The following ZNF740 variants were observed in gnomAD, a reference collection of about 807,000 sequenced individuals.
The protein encoded by ZNF740 is zinc finger protein 740.
ZNF740 carries 14 observed loss-of-function variants against 24.8 expected under a neutral mutation model. The ratio of observed to expected loss-of-function variants is 0.56; its 90% CI spans 0.37 to 0.88. The LOEUF is 0.88. Ranked by LOEUF, ZNF740 falls within the 40% of genes least tolerant of loss-of-function variation. The probability of loss-of-function intolerance (pLI) is 0.00; values close to 1 mark genes in which losing one functional copy is unlikely to be tolerated. For synonymous variants in ZNF740, 69 were observed against 84.0 expected, an observed-to-expected ratio of 0.82 and a Z score of 0.98; for missense variants, 201 against 247.9, an observed-to-expected ratio of 0.81 and a Z score of 1.27.
In ZNF740 at chr12:53,187,369, G is replaced by A. The variant is rs530206411; in HGVS notation, c.493-132G>A. ...CTGAGAGCTTGGATTCTCCACCACCGTGTGCTCCTGCTGTCTGTGCACGTG... is the reference window on the plus strand; with the variant it reads ...CTGAGAGCTTGGATTCTCCACCACCATGTGCTCCTGCTGTCTGTGCACGTG... On this transcript the variant is annotated intron_variant, in intron 6 of 6. Coordinates refer to ENST00000416904, the MANE Select transcript of ZNF740 (RefSeq NM_001004304.4). 1.4e-4 allele frequency: 102 copies of A among 722,164 alleles called. 2 individuals carry two copies. The South Asian group carries it at 1.6e-3, about 11-fold the overall frequency. The allele number at this position is 722,164 out of a possible 1,614,324, so 44.7% of individuals were successfully genotyped here. A position where few individuals can be genotyped will look rare whatever the true frequency, so the allele number is the denominator to read the frequency against.
chr12:53,192,514 G>C lies in ZNF740; in HGVS notation c.*4924G>C. 6.2e-7 allele frequency: 1 copy of C among 1,614,054 alleles called. No homozygotes were observed. Among genetic ancestry groups the C allele is most frequent in the Non-Finnish European group, 8.5e-7 (1 of 1,179,976 alleles). ...AGTTGGTGGCCAGTGGGCCAGTCCT[G>C]AAGGCCCCACACTCTGCACAGTCCC... is the stretch of plus-strand genomic sequence containing the variant. On this transcript the variant is annotated 3_prime_UTR_variant, in exon 7 of 7. Coordinates refer to ENST00000416904, the MANE Select transcript of ZNF740 (RefSeq NM_001004304.4).
chr12:53,181,213 C>G (rs1941613478), intron 1 of ZNF740: 1 of 985,344 alleles, frequency 1.0e-6, no homozygotes, highest in African/African-American at 1.7e-5. Context: ...ACCTCCGCAG[C>G]AAGTTTCCCT....
In ZNF740 at chr12:53,191,383, G is replaced by A; in HGVS notation, c.*3793G>A. On this transcript the variant is annotated 3_prime_UTR_variant, in exon 7 of 7. Transcript: ENST00000416904. ...TAGCCCAGATGGATGCAAGGTTGCAGGCATGGGAAGCAGCCCTCTTGGGTG... is the reference window on the plus strand; with the variant it reads ...TAGCCCAGATGGATGCAAGGTTGCAAGCATGGGAAGCAGCCCTCTTGGGTG... 1 of 635,782 alleles carries A rather than the reference G, an allele frequency of 1.6e-6. No homozygotes were observed. Among genetic ancestry groups the A allele is most frequent in the Non-Finnish European group, 2.8e-6 (1 of 351,058 alleles). The allele number at this position is 635,782 out of a possible 1,614,324, so 39.4% of individuals were successfully genotyped here.
At position 53,192,926 on chromosome 12, in the gene ZNF740, G is replaced by A; in HGVS notation, c.*5336G>A. The A allele has an allele frequency of 6.2e-7, 1 of 1,610,874 alleles. No individual in the cohort carries two copies. Among genetic ancestry groups the A allele is most frequent in the Non-Finnish European group, 8.5e-7 (1 of 1,177,484 alleles). ...CGACCAAAGCCTGGGGTAGAGCCAT[G>A]CAGAGGGTGACAACCATACTCCACA... On this transcript the variant is annotated 3_prime_UTR_variant, in exon 7 of 7. Transcript: ENST00000416904.
Position 53,192,211 on chromosome 12 carries a change from C to T in ZNF740, c.*4621C>T. Reference sequence around the variant, plus strand: ...TTGCTCAATTGCCTCTGCCTTTGTCCTGGATTCACAGTTCTGCTTCAGCCC... The same window carrying T: ...TTGCTCAATTGCCTCTGCCTTTGTCTTGGATTCACAGTTCTGCTTCAGCCC... On this transcript the variant is annotated 3_prime_UTR_variant, in exon 7 of 7. Coordinates refer to ENST00000416904, the MANE Select transcript of ZNF740 (RefSeq NM_001004304.4). 4 of 1,273,530 alleles carry T rather than the reference C, an allele frequency of 3.1e-6. 1 individual carries two copies. The allele number at this position is 1,273,530 out of a possible 1,614,324, so 78.9% of individuals were successfully genotyped here.
In ZNF740 at chr12:53,190,454, G is replaced by A; in HGVS notation, c.*2864G>A. On this transcript the variant is annotated 3_prime_UTR_variant, in exon 7 of 7. Transcript: ENST00000416904. Reference sequence around the variant, plus strand: ...TAGGCTGCTGCACCAGGCCCTACCAGCTCAGGCTATAAACAGTCTGCTTTG... The same window carrying A: ...TAGGCTGCTGCACCAGGCCCTACCAACTCAGGCTATAAACAGTCTGCTTTG... 1 of 152,896 alleles carries A rather than the reference G, an allele frequency of 6.5e-6. No homozygotes were observed. The allele number at this position is 152,896 out of a possible 1,614,324, so 9.5% of individuals were successfully genotyped here. A position where few individuals can be genotyped will look rare whatever the true frequency, so the allele number is the denominator to read the frequency against.
At chr12:53,184,150 T>TGTGTGTGTGTGTGTGCGCGCGC (rs59250662) in intron 2 of ZNF740, among the ~76,000 whole-genome samples, 126 of 104,398 alleles carry the variant, frequency 1.2e-3, no homozygotes, top group African/African-American at 4.4e-3. Flanking sequence ...TGTGTGTGTG[T>TGTGTGTGTGTGTGTGCGCGCGC]GCGCGCGCGC....
rs1356251873 is a variant in ZNF740 at position 53,181,360 on chromosome 12, C to T, written c.-307-317C>T. On this transcript the variant is annotated intron_variant, in intron 1 of 6. Transcript: ENST00000416904. ...CCGCCTCTGTAAAGTGCGAGCTTTT[C>T]GGGCCGGCCCACTGGGCACAAAAGC... 7 of 985,320 alleles carry T rather than the reference C, an allele frequency of 7.1e-6. No homozygotes were observed. The African/African-American group carries it at 1.0e-4, about 15-fold the overall frequency. The allele number at this position is 985,320 out of a possible 1,614,324, so 61.0% of individuals were successfully genotyped here. A position where few individuals can be genotyped will look rare whatever the true frequency, so the allele number is the denominator to read the frequency against.
Position 53,191,579 on chromosome 12 carries a change from C to T in ZNF740, c.*3989C>T, listed in dbSNP as rs772454144. ...CTTCAGAGAGTGGGACTGTCTGCCT[C>T]TTGAAAGCGAGGATTGATGGTGGTC... On this transcript the variant is annotated 3_prime_UTR_variant, in exon 7 of 7. Coordinates refer to ENST00000416904, the MANE Select transcript of ZNF740 (RefSeq NM_001004304.4). The T allele has an allele frequency of 6.2e-7, 1 of 1,613,642 alleles. No homozygotes were observed. The highest frequency in any genetic ancestry group is 1.7e-5 in the Admixed American group (1 of 60,022).
intron 6 of ZNF740, chr12:53,186,832 GA>G (rs1941831743): frequency 9.7e-6 from 2 of 206,930 alleles, no homozygotes; most frequent in East Asian, 1.1e-4. Context: ...TCACGTATGG[GA>G]AAATTGAGAT....
chr12:53,184,018 T>C (rs973444418), intron 2 of ZNF740, among the ~76,000 whole-genome samples: 1 of 151,726 alleles, frequency 6.6e-6, no homozygotes, highest in African/African-American at 2.4e-5. Flanking sequence ...AGTGACACCC[T>C]GTCTCAACCA....
In ZNF740 at chr12:53,185,979, C is replaced by G; in HGVS notation, c.275C>G (p.Ser92Cys). The G allele has an allele frequency of 1.9e-6, 3 of 1,613,694 alleles. No homozygotes were observed. The highest frequency in any genetic ancestry group is 2.5e-6 in the Non-Finnish European group (3 of 1,179,772). Residue 92 changes from serine to cysteine, a missense_variant, in exon 5 of 7, where the codon TCT becomes TGT. Ser to Cys is a moderately radical substitution (Grantham distance 112). Around this residue, in one of 3 missense-constraint regions of ZNF740, gnomAD observed 117 missense variants for 122.3 expected, o/e 0.96. Coordinates refer to ENST00000416904, the MANE Select transcript of ZNF740 (RefSeq NM_001004304.4). The stretch of plus-strand genomic sequence containing the variant: ...GTGGTGGTAGTGGAACAAAATGGTT[C>G]TTTTCAAGTAAAGATTCCCAAAAAT... ...KKVVVVEQNG[S>C]FQVKIPKNFV... is the part of the protein sequence containing the mutation.
chr12:53,180,761 T>G lies in ZNF740; in HGVS notation c.-384T>G, dbSNP rs2121526763. 7.9e-7 allele frequency: 1 copy of G among 1,265,448 alleles called. No individual in the cohort carries two copies. The highest frequency in any genetic ancestry group is 2.4e-4 in the Middle Eastern group (1 of 4,244). 78.4% of individuals were successfully genotyped at this position (1,265,448 alleles called of 1,614,324 possible). A position where few individuals can be genotyped will look rare whatever the true frequency, so the allele number is the denominator to read the frequency against. On this transcript the variant is annotated 5_prime_UTR_variant, in exon 1 of 7. Coordinates refer to ENST00000416904, the MANE Select transcript of ZNF740 (RefSeq NM_001004304.4). Reference sequence around the variant, plus strand: ...GTCCCGGTGGGGGCAGCCGCGGCGGTGGGGTTGGCAGGGTGTGCTGGGGCC... The same window carrying G: ...GTCCCGGTGGGGGCAGCCGCGGCGGGGGGGTTGGCAGGGTGTGCTGGGGCC...
rs11539433 is a variant in ZNF740 at position 53,192,471 on chromosome 12, G to A, written c.*4881G>A. 18,667 of 1,614,176 alleles carry A rather than the reference G, an allele frequency of 0.012. 124 individuals carry two copies. The highest frequency in any genetic ancestry group is 0.014 in the Non-Finnish European group (16,402 of 1,180,034). ...GCCAAGGCCAGGGTCACATTGGTAT[G>A]GGCACAAGCTGTACTGCAGTTGGTG... On this transcript the variant is annotated 3_prime_UTR_variant, in exon 7 of 7. Coordinates refer to ENST00000416904, the MANE Select transcript of ZNF740 (RefSeq NM_001004304.4).
chr12:53,193,056 C>A lies in ZNF740; in HGVS notation c.*5466C>A. 1 of 1,405,684 alleles carries A rather than the reference C, an allele frequency of 7.1e-7. No individual in the cohort carries two copies. Among genetic ancestry groups the A allele is most frequent in the Non-Finnish European group, 9.8e-7 (1 of 1,015,374 alleles). The allele number at this position is 1,405,684 out of a possible 1,614,324, so 87.1% of individuals were successfully genotyped here. On this transcript the variant is annotated 3_prime_UTR_variant, in exon 7 of 7. Transcript: ENST00000416904. ...ATACACCGGAATCTTTTGATATTTGCCTTCCATGCCAGGAGATTCCCAGAG... is the reference window on the plus strand; with the variant it reads ...ATACACCGGAATCTTTTGATATTTGACTTCCATGCCAGGAGATTCCCAGAG...
Position 53,186,043 on chromosome 12 carries a change from T to C in ZNF740, c.339T>C (p.Ser113=), listed in dbSNP as rs753290201. ...CEHCFGAFRS[S]YHLKRHILIH... ...ACTGCTTTGGAGCCTTTCGGAGCAG[T>C]TACCACCTAAAGAGGCACATCCTTA... The change falls in exon 5 of 7, where the codon AGT becomes AGC. Residue 113 remains serine, a synonymous_variant. Transcript: ENST00000416904. 1.9e-6 allele frequency: 3 copies of C among 1,613,894 alleles called. No homozygotes were observed. The highest frequency in any genetic ancestry group is 2.2e-5 in the South Asian group (2 of 91,080).
intron 2 of ZNF740, among the ~76,000 whole-genome samples, chr12:53,184,307 G>A (rs780395143): frequency 3.3e-5 from 5 of 151,990 alleles, no homozygotes; most frequent in African/African-American, 4.8e-5. Flanking sequence ...TTCTGCCTCA[G>A]CCTCCCGAGT....
chr12:53,181,969 A>C lies in ZNF740; in HGVS notation c.-15A>C. ...AACTCCTGAACTTTTGGGTTGCCTT[A>C]AGTGAGAAATCAGCATGGCTCAGGT... On this transcript the variant is annotated 5_prime_UTR_variant, in exon 2 of 7. Coordinates refer to ENST00000416904, the MANE Select transcript of ZNF740 (RefSeq NM_001004304.4). 6.2e-7 allele frequency: 1 copy of C among 1,606,724 alleles called. No homozygotes were observed. The highest frequency in any genetic ancestry group is 8.5e-7 in the Non-Finnish European group (1 of 1,176,392).
rs143795685 is a variant in ZNF740 at position 53,184,176 on chromosome 12, GGTGTGTGTGTGT to G, written c.10-701_10-690del. ...GCGCGCGCGCGCTCTGAAGCTAAGG[GGTGTGTGTGTGT>G]GTGTGTGTGTGTGAGTGACGGAGGG... On this transcript the variant is annotated intron_variant, in intron 2 of 6. Coordinates refer to ENST00000416904, the MANE Select transcript of ZNF740 (RefSeq NM_001004304.4). 4.2e-3 allele frequency among the ~76,000 whole-genome samples: 541 copies of G among 128,136 alleles called. 8 individuals carry two copies. The highest frequency in any genetic ancestry group is 0.017 in the African/African-American group (528 of 31,112). 84.1% of individuals were successfully genotyped at this position (128,136 alleles called of 152,430 possible).
Sources: allele counts gnomAD v4.1 joint callset (sites outside exome capture counted in the v4.1 genomes callset), GRCh38; gene constraint gnomAD v4.1.1; regional missense constraint gnomAD v4.1.1; transcripts MANE v1.5; gene names NCBI Gene and HGNC (gene_info 2026-07-23, HGNC 2026-07-21).